TRERF1: variants seen among roughly 807,000 people sequenced by gnomAD.
The protein encoded by TRERF1 is transcriptional regulating factor 1.
In TRERF1, 27 loss-of-function variants were observed where a neutral mutation model predicts 122.9. The observed-to-expected ratio is 0.22, with a 90% CI of 0.16 to 0.30. The LOEUF is 0.30. Among genes scored for constraint, TRERF1 ranks in the 10% least tolerant of loss-of-function variants. TRERF1 has a pLI of 1.00. For missense variants in TRERF1, 1,248 were observed against 1,560.3 expected (o/e 0.80, Z 3.37); for synonymous variants, 636 against 641.7 (o/e 0.99, Z 0.13).
At chr6:42,403,696 A>G (rs925154661) in intron 2 of TRERF1, among the ~76,000 whole-genome samples, 37 of 152,172 alleles carry the variant, frequency 2.4e-4, no homozygotes, top group African/African-American at 8.9e-4. Flanking sequence ...GGCTGTGCAC[A>G]TTGTGTTAAG....
chr6:42,269,133 T>G lies in TRERF1; in HGVS notation c.458A>C (p.Gln153Pro). Residue 153 changes from glutamine (Q) to proline (P), a missense_variant, in exon 5 of 18, where the codon CAA becomes CCA. Gln to Pro is a moderately conservative substitution (Grantham distance 76, BLOSUM62 -1). Coordinates refer to ENST00000372922, the Ensembl canonical transcript of TRERF1. The surrounding 1 kb of genome is among the most constrained non-coding windows in gnomAD (Gnocchi z 4.9). ...ATTGTTGACCTGAATTCGCAGGTTT[T>G]GGTTGGCAAACACCTGGGTGAAAGA... 6.2e-7 allele frequency: 1 copy of G among 1,614,220 alleles called. No homozygotes were observed. Among genetic ancestry groups the G allele is most frequent in the Non-Finnish European group, 8.5e-7 (1 of 1,180,026 alleles).
At chr6:42,330,267 A>G (rs1158005902) in intron 3 of TRERF1, among the ~76,000 whole-genome samples, 4 of 152,216 alleles carry the variant, frequency 2.6e-5, no homozygotes, top group African/African-American at 9.7e-5. Flanking sequence ...CAAATTGGAA[A>G]AGAATTTAAA....
At chr6:42,292,560 G>A (rs1032547507) in intron 4 of TRERF1, among the ~76,000 whole-genome samples, 5 of 149,402 alleles carry the variant, frequency 3.3e-5, no homozygotes, top group African/African-American at 1.2e-4. Context: ...CAGGAAGTCC[G>A]AGAGAGAGAG....
intron 2 of TRERF1, among the ~76,000 whole-genome samples, chr6:42,422,627 A>G (rs1441703493): frequency 3.3e-5 from 5 of 151,764 alleles, no homozygotes; most frequent in Non-Finnish European, 7.4e-5. Flanking sequence ...AGTCTCACAT[A>G]TGAAACATCC....
intron 2 of TRERF1, among the ~76,000 whole-genome samples, chr6:42,406,382 C>T (rs549017179): frequency 5.3e-5 from 8 of 152,310 alleles, no homozygotes; most frequent in African/African-American, 1.7e-4. Context: ...TGGCCAGTGC[C>T]GATGACTCCT....
chr6:42,233,281 CTTTTTTTTTTTT>C (rs926204150), intron 16 of TRERF1, among the ~76,000 whole-genome samples: 2 of 128,984 alleles, frequency 1.6e-5, no homozygotes, highest in African/African-American at 2.9e-5. Context: ...AGCTTTCAAA[CTTTTTTTTTTTT>C]TTTTTTTTTT....
chr6:42,405,934 T>G (rs1780124010), intron 2 of TRERF1, among the ~76,000 whole-genome samples: 1 of 151,846 alleles, frequency 6.6e-6, no homozygotes, highest in Admixed American at 6.6e-5. Context: ...TGACCCACCA[T>G]GCAACAAAGC....
intron 2 of TRERF1, among the ~76,000 whole-genome samples, chr6:42,429,454 G>T (rs747728347): frequency 6.6e-6 from 1 of 152,126 alleles, no homozygotes; most frequent in East Asian, 1.9e-4. Context: ...CCCTGCTACC[G>T]CCTCCTCTCA....
In TRERF1 at chr6:42,232,879, C is replaced by T. The variant is rs779327465; in HGVS notation, c.3080G>A (p.Arg1027Gln). Reference sequence around the variant, plus strand: ...GCGGGCATGGCCATTCAGTGCCTGTCGGGAGCTGAACACCTGGGGAAGAAA... The same window carrying T: ...GCGGGCATGGCCATTCAGTGCCTGTTGGGAGCTGAACACCTGGGGAAGAAA... The change falls in exon 17 of 18, where the codon CGA (arginine) becomes CAA (glutamine). Residue 1027 changes from arginine (R) to glutamine (Q), a missense_variant. Arg to Gln is a conservative substitution (Grantham distance 43). Around this residue, in one of 5 missense-constraint regions of TRERF1, gnomAD observed 159 missense variants for 221.7 expected, o/e 0.72. Transcript: ENST00000372922. This position sits in a 1 kb window ranked among gnomAD's most constrained non-coding sequence, Gnocchi z 4.5. The T allele has an allele frequency of 1.2e-5, 19 of 1,603,164 alleles. No homozygotes were observed. The East Asian group carries it at 2.5e-4, about 21-fold the overall frequency.
chr6:42,273,642 C>A (rs1010352551), intron 4 of TRERF1, among the ~76,000 whole-genome samples: 1 of 152,150 alleles, frequency 6.6e-6, no homozygotes, highest in Non-Finnish European at 1.5e-5. Context: ...ATGTCCTTGT[C>A]CAGAACTCAC....
rs755594348 is a variant in TRERF1 at position 42,269,050 on chromosome 6, G to C, written c.541C>G (p.Leu181Val). 4 of 1,614,060 alleles carry C rather than the reference G, an allele frequency of 2.5e-6. No individual in the cohort carries two copies. Among genetic ancestry groups the C allele is most frequent in the African/African-American group, 1.3e-5 (1 of 74,922 alleles). The change falls in exon 5 of 18, where the codon CTC (leucine) becomes GTC (valine). Residue 181 changes from leucine (L) to valine (V), a missense_variant. Leu to Val is a conservative substitution (Grantham distance 32). Around this residue, in one of 5 missense-constraint regions of TRERF1, gnomAD observed 946 missense variants for 1,073.0 expected, o/e 0.88. Transcript: ENST00000372922. This position sits in a 1 kb window ranked among gnomAD's most constrained non-coding sequence, Gnocchi z 4.9. ...GGCTTCTGAGACAGCAGCTGGCGGA[G>C]AGCACTGTCAGGGGCTCCATCCATC...
chr6:42,310,386 G>A (rs373202614), intron 3 of TRERF1, among the ~76,000 whole-genome samples: 8 of 152,220 alleles, frequency 5.3e-5, no homozygotes, highest in Non-Finnish European at 1.2e-4. Context: ...TCAGAGCAGC[G>A]TAGCTCAACC....
chr6:42,238,181 G>A (rs921419584), intron 15 of TRERF1, among the ~76,000 whole-genome samples: 37 of 152,304 alleles, frequency 2.4e-4, no homozygotes, highest in South Asian at 6.2e-4. Flanking sequence ...CAAACATTAA[G>A]TAGCCCATGG....
At chr6:42,246,403 G>A (rs931687857) in intron 14 of TRERF1, 53 bp downstream of exon 14, 16 of 1,301,298 alleles carry the variant, frequency 1.2e-5, no homozygotes, top group Non-Finnish European at 1.6e-5. Context: ...ATATTTTTGT[G>A]TACAATTTCC....
At chr6:42,345,003 T>A (rs765663486) in intron 3 of TRERF1, among the ~76,000 whole-genome samples, 1 of 152,206 alleles carries the variant, frequency 6.6e-6, no homozygotes, top group Non-Finnish European at 1.5e-5. Context: ...ATTTGCTGAA[T>A]GAGTGAGCAA....
At chr6:42,247,380 G>T (rs547866246) in intron 13 of TRERF1, among the ~76,000 whole-genome samples, 1 of 152,310 alleles carries the variant, frequency 6.6e-6, no homozygotes, top group South Asian at 2.1e-4. Context: ...TAAGTGGCAG[G>T]TTCTAAGTAC....
intron 3 of TRERF1, among the ~76,000 whole-genome samples, chr6:42,323,005 A>T (rs116610233): frequency 0.027 from 4,065 of 151,976 alleles, 92 homozygotes; most frequent in Non-Finnish European, 0.039. Context: ...CAAGCAGAGG[A>T]TAACTAGCAC....
In TRERF1 at chr6:42,307,995, G is replaced by T. The variant is rs190993870; in HGVS notation, c.-370-7246C>A. Among the ~76,000 whole-genome samples, 202 of 152,346 alleles carry T rather than the reference G, an allele frequency of 1.3e-3. 1 individual carries two copies. The highest frequency in any genetic ancestry group is 3.8e-3 in the African/African-American group (158 of 41,586). ...TGTTGACCTGGAAGTGGAGACACTGGCACCCTATGCATTCCCAGTAGGGAT... is the reference window on the plus strand; with the variant it reads ...TGTTGACCTGGAAGTGGAGACACTGTCACCCTATGCATTCCCAGTAGGGAT... On this transcript the variant is annotated intron_variant, in intron 3 of 17. Coordinates refer to ENST00000372922, the Ensembl canonical transcript of TRERF1.
chr6:42,445,353 G>GACACACACACACAC (rs57862861), intron 2 of TRERF1, among the ~76,000 whole-genome samples: 1 of 86,630 alleles, frequency 1.2e-5, no homozygotes, highest in African/African-American at 3.3e-5. Flanking sequence ...TACACACACA[G>GACACACACACACAC]ACACACACAC....
Sources: allele counts gnomAD v4.1 joint callset (sites outside exome capture counted in the v4.1 genomes callset), GRCh38; gene constraint gnomAD v4.1.1; regional missense constraint gnomAD v4.1.1; non-coding constraint Gnocchi (gnomAD v3.1); transcripts MANE v1.5; gene names NCBI Gene and HGNC (gene_info 2026-07-23, HGNC 2026-07-21).